GRM8: variants seen among roughly 807,000 people sequenced by gnomAD.
GRM8 encodes the protein glutamate metabotropic receptor 8.
A neutral mutation model predicts 87.2 loss-of-function variants in GRM8; 47 were observed. The ratio of observed to expected loss-of-function variants is 0.54; its 90% CI spans 0.43 to 0.69. The LOEUF (loss-of-function observed/expected upper bound fraction) is 0.69. GRM8 is among the 30% of genes least tolerant of loss of function. The pLI is 0.00. For missense variants in GRM8, 1,019 were observed against 1,139.2 expected (o/e 0.89, Z 1.52); for synonymous variants, 396 against 404.5 (o/e 0.98, Z 0.25).
At chr7:126,883,916 T>C (rs1459883705) in intron 6 of GRM8, among the ~76,000 whole-genome samples, 1 of 152,176 alleles carries the variant, frequency 6.6e-6, no homozygotes, top group Non-Finnish European at 1.5e-5. Flanking sequence ...GCACATTTTC[T>C]GAAATATCAG....
At position 126,471,392 on chromosome 7, in the gene GRM8, TTCAGC is replaced by T. The variant is rs1805205591; in HGVS notation, c.2431-25025_2431-25021del. Among the ~76,000 whole-genome samples the T allele has an allele frequency of 2.0e-5, 3 of 152,092 alleles. No individual in the cohort carries two copies. The South Asian group carries it at 6.2e-4, about 32-fold the overall frequency. The stretch of plus-strand genomic sequence containing the variant: ...ATAAGGTGTAAGGAAGGGATCCAGT[TTCAGC>T]TTTCTATGTATGGCTAGCCAGTTTT... On this transcript the variant is annotated intron_variant, in intron 9 of 10. Coordinates refer to ENST00000339582, the MANE Select transcript of GRM8 (RefSeq NM_000845.3).
intron 6 of GRM8, among the ~76,000 whole-genome samples, chr7:126,889,262 C>A (rs1415481512): frequency 6.6e-6 from 1 of 152,144 alleles, no homozygotes; most frequent in African/African-American, 2.4e-5. Flanking sequence ...ATCAAAATTT[C>A]TCAGAGACTA....
At chr7:126,723,297 A>G (rs918282226) in intron 7 of GRM8, among the ~76,000 whole-genome samples, 2 of 151,826 alleles carry the variant, frequency 1.3e-5, no homozygotes, top group Admixed American at 6.6e-5. Context: ...TCTTTATTTC[A>G]CCTATATTTA....
At chr7:126,903,356 T>C (rs898333673) in intron 5 of GRM8, among the ~76,000 whole-genome samples, 5 of 152,134 alleles carry the variant, frequency 3.3e-5, no homozygotes, top group African/African-American at 7.2e-5. Context: ...GTCTTTCCTG[T>C]TGCATTTATT....
chr7:127,094,778 A>G (rs1824478927), intron 3 of GRM8, among the ~76,000 whole-genome samples: 1 of 152,210 alleles, frequency 6.6e-6, no homozygotes, highest in Non-Finnish European at 1.5e-5. Flanking sequence ...AAAATAATAA[A>G]TAACTGAAAA....
chr7:126,592,469 G>T (rs554527330), intron 8 of GRM8, among the ~76,000 whole-genome samples: 11 of 152,058 alleles, frequency 7.2e-5, no homozygotes, highest in African/African-American at 2.4e-4. Context: ...TACAAGGATG[G>T]TTCAACATAT....
chr7:127,139,782 T>G (rs1429743579), intron 2 of GRM8, among the ~76,000 whole-genome samples: 1 of 152,098 alleles, frequency 6.6e-6, no homozygotes, highest in African/African-American at 2.4e-5. Flanking sequence ...AGTCCTTAAC[T>G]TTAAGCTCTT....
At chr7:126,683,964 A>G (rs897468089) in intron 7 of GRM8, among the ~76,000 whole-genome samples, 3 of 152,246 alleles carry the variant, frequency 2.0e-5, no homozygotes, top group African/African-American at 7.2e-5. Context: ...AAGGCAGGCA[A>G]TAGTAACCTC....
intron 7 of GRM8, among the ~76,000 whole-genome samples, chr7:126,624,768 C>T (rs1800510275): frequency 1.3e-5 from 2 of 152,164 alleles, no homozygotes; most frequent in South Asian, 4.1e-4. Flanking sequence ...ATATGCACTA[C>T]ATAGGAGGGC....
chr7:126,740,345 G>A (rs1814804548), intron 7 of GRM8, among the ~76,000 whole-genome samples: 1 of 152,004 alleles, frequency 6.6e-6, no homozygotes, highest in Non-Finnish European at 1.5e-5. Flanking sequence ...TATTCCCTAG[G>A]AGATAACTTG....
At chr7:126,463,086 G>C (rs1286817657) in intron 9 of GRM8, among the ~76,000 whole-genome samples, 1 of 149,752 alleles carries the variant, frequency 6.7e-6, no homozygotes, top group South Asian at 2.1e-4. Context: ...TGTCATAAAA[G>C]TGTTTTACAG....
intron 6 of GRM8, among the ~76,000 whole-genome samples, chr7:126,812,903 AC>A (rs1435397342): frequency 6.6e-6 from 1 of 152,058 alleles, no homozygotes; most frequent in East Asian, 1.9e-4. Flanking sequence ...CAGACAGGAA[AC>A]TTTTATGCAG....
intron 9 of GRM8, among the ~76,000 whole-genome samples, chr7:126,455,903 G>C (rs1803172132): frequency 6.6e-6 from 1 of 151,018 alleles, no homozygotes; most frequent in African/African-American, 2.4e-5. Context: ...ACCTTACAAA[G>C]AGAATAATAT....
chr7:126,885,035 C>T (rs1190571231), intron 6 of GRM8, among the ~76,000 whole-genome samples: 8 of 152,178 alleles, frequency 5.3e-5, no homozygotes, highest in Non-Finnish European at 8.8e-5. Flanking sequence ...GTCCTGTGCA[C>T]AGCCACTGAC....
At chr7:126,932,304 G>A (rs1244234676) in intron 3 of GRM8, among the ~76,000 whole-genome samples, 1 of 152,136 alleles carries the variant, frequency 6.6e-6, no homozygotes, top group Non-Finnish European at 1.5e-5. Flanking sequence ...AATGCCAAAA[G>A]TAAGGAAGTT....
intron 2 of GRM8, among the ~76,000 whole-genome samples, chr7:127,119,481 GTCTC>G (rs66684637): frequency 0.27 from 40,432 of 148,560 alleles, 5,619 homozygotes; most frequent in Middle Eastern, 0.32. Context: ...GCGAGATCCT[GTCTC>G]TCTCTCTCTC....
At chr7:126,754,376 A>G (rs1045505107) in intron 7 of GRM8, among the ~76,000 whole-genome samples, 1 of 151,854 alleles carries the variant, frequency 6.6e-6, no homozygotes, top group African/African-American at 2.4e-5. Context: ...TGTTGTCCAC[A>G]GTACTCTGAG....
chr7:126,697,933 G>A (rs959456937), intron 7 of GRM8, among the ~76,000 whole-genome samples: 2 of 152,100 alleles, frequency 1.3e-5, no homozygotes, highest in African/African-American at 4.8e-5. Flanking sequence ...GCACAAAACA[G>A]TTCTTTCATT....
At chr7:126,549,410 C>T (rs948683347) in intron 8 of GRM8, among the ~76,000 whole-genome samples, 5 of 152,056 alleles carry the variant, frequency 3.3e-5, no homozygotes, top group South Asian at 2.1e-4. Context: ...CCACCCCTGA[C>T]AAAATCATCT....
Sources: allele counts gnomAD v4.1 joint callset (sites outside exome capture counted in the v4.1 genomes callset), GRCh38; gene constraint gnomAD v4.1.1; transcripts MANE v1.5; gene names NCBI Gene and HGNC (gene_info 2026-07-23, HGNC 2026-07-21).